The following CLYBL variants were observed in gnomAD, a reference collection of about 807,000 sequenced individuals.
The protein encoded by CLYBL is citramalyl-CoA lyase, mitochondrial.
CLYBL carries 31 observed loss-of-function variants against 38.9 expected under a neutral mutation model. That is an observed-to-expected ratio of 0.80 (90% confidence interval 0.60 to 1.08). The LOEUF (loss-of-function observed/expected upper bound fraction) is 1.08, where lower values mean the gene tolerates loss of function less well. Ranked by LOEUF, CLYBL falls within the 50% of genes least tolerant of loss-of-function variation. The pLI is 0.00. For missense variants in CLYBL, 434 were observed against 411.6 expected, an observed-to-expected ratio of 1.05 and a Z score of -0.47; for synonymous variants, 171 against 158.6, an observed-to-expected ratio of 1.08 and a Z score of -0.59.
In CLYBL at chr13:99,666,534, T is replaced by C. The variant is rs147898464; in HGVS notation, c.62+59777T>C. ...TTTTCCCCCCTTTCTTAAATTGTTATTTCGAGCCAGTCAGCCTACTGAAAT... is the reference window on the plus strand; with the variant it reads ...TTTTCCCCCCTTTCTTAAATTGTTACTTCGAGCCAGTCAGCCTACTGAAAT... On this transcript the variant is annotated intron_variant, in intron 1 of 8. Coordinates refer to ENST00000339105, the MANE Select transcript of CLYBL (RefSeq NM_206808.5). Among the ~76,000 whole-genome samples the C allele has an allele frequency of 3.1e-3, 476 of 152,264 alleles. 8 individuals carry two copies. Among genetic ancestry groups the C allele is most frequent in the African/African-American group, 0.011 (453 of 41,536 alleles).
intron 1 of CLYBL, among the ~76,000 whole-genome samples, chr13:99,655,189 C>A (rs1447940830): frequency 6.6e-6 from 1 of 151,490 alleles, no homozygotes; most frequent in African/African-American, 2.4e-5. Context: ...GATTCTCCTG[C>A]CTCAACCTCC....
chr13:99,665,336 T>A (rs1324427219), intron 1 of CLYBL, among the ~76,000 whole-genome samples: 2 of 150,240 alleles, frequency 1.3e-5, no homozygotes, highest in African/African-American at 4.9e-5. Flanking sequence ...CTTACTTGCT[T>A]AAAAAAAAAA....
chr13:99,647,424 G>GC (rs1321638623), intron 1 of CLYBL, among the ~76,000 whole-genome samples: 40 of 150,124 alleles, frequency 2.7e-4, no homozygotes, highest in East Asian at 1.6e-3. Context: ...TCTGTCACAC[G>GC]CCCCCCCGGC....
intron 2 of CLYBL, among the ~76,000 whole-genome samples, chr13:99,819,472 T>TATAA (rs2050542791): frequency 1.1e-5 from 1 of 87,244 alleles, no homozygotes; most frequent in Non-Finnish European, 2.4e-5. Flanking sequence ...ATATATAATA[T>TATAA]TTGTCAGGGT....
intron 6 of CLYBL, among the ~76,000 whole-genome samples, chr13:99,867,426 G>A (rs1278883412): frequency 6.6e-6 from 1 of 152,024 alleles, no homozygotes; most frequent in African/African-American, 2.4e-5. Context: ...AGCTATTCTA[G>A]TGTTATATTC....
intron 1 of CLYBL, among the ~76,000 whole-genome samples, chr13:99,622,443 T>G (rs918320491): frequency 6.6e-6 from 1 of 152,220 alleles, no homozygotes; most frequent in African/African-American, 2.4e-5. Context: ...TTCTATCATC[T>G]AGACCTGTTG....
At chr13:99,638,810 T>C (rs967168266) in intron 1 of CLYBL, among the ~76,000 whole-genome samples, 19 of 152,368 alleles carry the variant, frequency 1.2e-4, no homozygotes, top group African/African-American at 4.1e-4. Flanking sequence ...CTGGGTAGTA[T>C]GACTCTTAGG....
At chr13:99,709,582 T>C (rs1055949265) in intron 1 of CLYBL, among the ~76,000 whole-genome samples, 9 of 152,244 alleles carry the variant, frequency 5.9e-5, no homozygotes, top group African/African-American at 2.2e-4. Flanking sequence ...GTTCCCTGGC[T>C]GTTTCATTCC....
At position 99,606,747 on chromosome 13, in the gene CLYBL, C is replaced by T. The variant is rs370813733; in HGVS notation, c.52C>T (p.Leu18=). Reference sequence around the variant, plus strand: ...GGCGCGCGGAGCTGCGGCGGCGGCGCTGCTGAGGCTGTGAGTGCAGGTCCC... The same window carrying T: ...GGCGCGCGGAGCTGCGGCGGCGGCGTTGCTGAGGCTGTGAGTGCAGGTCCC... ...RAARGAAAAA[L]LRLKASLAAD... Residue 18 remains leucine, a synonymous_variant, in exon 1 of 9, where the codon CTG becomes TTG. Transcript: ENST00000339105. 2.0e-6 allele frequency: 3 copies of T among 1,482,894 alleles called. No individual in the cohort carries two copies. Among genetic ancestry groups the T allele is most frequent in the African/African-American group, 2.9e-5 (2 of 68,304 alleles). 91.9% of individuals were successfully genotyped at this position (1,482,894 alleles called of 1,614,324 possible). A position where few individuals can be genotyped will look rare whatever the true frequency, so the allele number is the denominator to read the frequency against.
intron 1 of CLYBL, among the ~76,000 whole-genome samples, chr13:99,662,065 A>G (rs540398675): frequency 6.6e-5 from 10 of 152,328 alleles, no homozygotes; most frequent in African/African-American, 2.2e-4. Flanking sequence ...GGAGGGAAGA[A>G]TGACCCCAAA....
chr13:99,681,628 C>T (rs2047735378), intron 1 of CLYBL, among the ~76,000 whole-genome samples: 1 of 152,020 alleles, frequency 6.6e-6, no homozygotes, highest in African/African-American at 2.4e-5. Flanking sequence ...CCACTGTCAC[C>T]CAGGCTAGAG....
intron 3 of CLYBL, 41 bp from the exon 4 acceptor site, chr13:99,862,950 A>AT (rs762123921): frequency 1.7e-6 from 2 of 1,187,436 alleles, no homozygotes; most frequent in Admixed American, 1.9e-5. Context: ...GTGATTGTAC[A>AT]TTTTTTCCCC....
chr13:99,762,970 T>C (rs12184851), intron 1 of CLYBL, among the ~76,000 whole-genome samples: 3,253 of 152,314 alleles, frequency 0.021, 46 homozygotes, highest in Non-Finnish European at 0.034. Flanking sequence ...TTTTTCATAT[T>C]GTTCACTGCT....
intron 1 of CLYBL, among the ~76,000 whole-genome samples, chr13:99,648,435 G>A (rs2047207245): frequency 2.0e-5 from 3 of 152,194 alleles, no homozygotes; most frequent in African/African-American, 7.2e-5. Flanking sequence ...ATAGTCCATT[G>A]TTCGTTGAAT....
chr13:99,631,840 A>T (rs2046950706), intron 1 of CLYBL, among the ~76,000 whole-genome samples: 3 of 152,136 alleles, frequency 2.0e-5, no homozygotes, highest in Admixed American at 2.0e-4. Flanking sequence ...TGACCTCGTG[A>T]TCCACCCGCC....
At chr13:99,724,639 G>A (rs1171483453) in intron 1 of CLYBL, among the ~76,000 whole-genome samples, 3 of 152,070 alleles carry the variant, frequency 2.0e-5, no homozygotes, top group Admixed American at 6.6e-5. Context: ...GATTGTTTTC[G>A]TGCAGACTTC....
intron 1 of CLYBL, among the ~76,000 whole-genome samples, chr13:99,738,674 A>G (rs2048704236): frequency 6.6e-6 from 1 of 152,176 alleles, no homozygotes; most frequent in Non-Finnish European, 1.5e-5. Context: ...ATGGTAAAAA[A>G]CAAAATGGAA....
At chr13:99,755,920 G>A (rs1456970274) in intron 1 of CLYBL, among the ~76,000 whole-genome samples, 1 of 152,182 alleles carries the variant, frequency 6.6e-6, no homozygotes, top group Non-Finnish European at 1.5e-5. Context: ...CCCGTGACAA[G>A]GACTTCACTT....
intron 8 of CLYBL, 149 bp from the exon 9 acceptor site, chr13:99,892,294 A>G (rs2052508950): frequency 6.6e-6 from 1 of 152,390 alleles, no homozygotes; most frequent in African/African-American, 2.4e-5. Flanking sequence ...TTTGCATCAC[A>G]TTAGAGATGC....
Sources: gnomAD v4.1 joint callset for allele counts (sites outside exome capture counted in the v4.1 genomes callset) on GRCh38, gnomAD v4.1.1 for gene constraint, MANE v1.5 for transcripts, NCBI Gene and HGNC (gene_info 2026-07-23, HGNC 2026-07-21) for gene names.